The following GBE1 variants were observed in gnomAD, a reference collection of about 807,000 sequenced individuals.
GBE1 encodes 1,4-alpha-glucan-branching enzyme.
A neutral mutation model predicts 88.8 loss-of-function variants in GBE1; 70 were observed. That is an observed-to-expected ratio of 0.79 (90% CI 0.65 to 0.96). The LOEUF is 0.96. Among genes scored for constraint, GBE1 ranks in the 40% least tolerant of loss-of-function variants. The pLI is 0.00. For synonymous variants in GBE1, 284 were observed against 300.1 expected (o/e 0.95, Z 0.56); for missense variants, 872 against 871.0 (o/e 1.00, Z -0.01).
At chr3:81,735,113 T>C (rs1422466792) in intron 1 of GBE1, among the ~76,000 whole-genome samples, 2 of 152,130 alleles carry the variant, frequency 1.3e-5, no homozygotes, top group Admixed American at 6.6e-5. Flanking sequence ...AGGCATCCAC[T>C]TGGGGGCCTT....
chr3:81,628,384 G>A (rs1704449351), intron 7 of GBE1, among the ~76,000 whole-genome samples: 1 of 151,996 alleles, frequency 6.6e-6, no homozygotes, highest in African/African-American at 2.4e-5. Flanking sequence ...AGAACATGAA[G>A]AAGACCCTAG....
intron 3 of GBE1, among the ~76,000 whole-genome samples, chr3:81,655,513 ATTG>A (rs60326449): frequency 0.088 from 13,362 of 151,608 alleles, 1,146 homozygotes; most frequent in African/African-American, 0.22. Context: ...TGTTTTTGTT[ATTG>A]TTGTTGTTGT....
At chr3:81,750,553 A>ATATATATACG (rs1706486593) in intron 1 of GBE1, among the ~76,000 whole-genome samples, 6 of 74,234 alleles carry the variant, frequency 8.1e-5, no homozygotes, top group Admixed American at 2.9e-4. Context: ...ATATATATGT[A>ATATATATACG]TATATATATG....
intron 1 of GBE1, among the ~76,000 whole-genome samples, chr3:81,742,787 A>T (rs1240587513): frequency 2.0e-5 from 3 of 152,142 alleles, no homozygotes; most frequent in Non-Finnish European, 4.4e-5. Context: ...TGGGAACAGC[A>T]ACCTGATAAA....
chr3:81,500,062 A>G (rs1702568484), intron 14 of GBE1, among the ~76,000 whole-genome samples: 1 of 152,192 alleles, frequency 6.6e-6, no homozygotes, highest in African/African-American at 2.4e-5. Flanking sequence ...AAACATTATC[A>G]CATTAATAGA....
Position 81,537,019 on chromosome 3 carries a change from C to T in GBE1, c.1695G>A (p.Arg565=). 6.3e-7 allele frequency: 1 copy of T among 1,587,852 alleles called. No homozygotes were observed. Among genetic ancestry groups the T allele is most frequent in the Non-Finnish European group, 8.6e-7 (1 of 1,168,392 alleles). Residue 565 remains arginine, a synonymous_variant, in exon 13 of 16, where the codon CGG becomes CGA. Transcript: ENST00000429644. The part of the protein sequence containing the change: ...GNNESYHYAR[R]QFHLTDDDLL... ...GGTCGTCGTCAGTTAAATGAAACTG[C>T]CGCCTGGCATAATGGTAACTCTCAT...
chr3:81,571,899 AT>A (rs1482539658), intron 12 of GBE1, among the ~76,000 whole-genome samples: 2 of 152,196 alleles, frequency 1.3e-5, no homozygotes, highest in Non-Finnish European at 2.9e-5. Context: ...TCTAAAGGTT[AT>A]TTTTAAAAAA....
At chr3:81,730,304 T>C (rs1706168552) in intron 1 of GBE1, among the ~76,000 whole-genome samples, 1 of 152,158 alleles carries the variant, frequency 6.6e-6, no homozygotes, top group South Asian at 2.1e-4. Flanking sequence ...TAAGATACAG[T>C]ATATGCTTCA....
At chr3:81,566,651 A>G (rs1703498371) in intron 12 of GBE1, among the ~76,000 whole-genome samples, 1 of 152,126 alleles carries the variant, frequency 6.6e-6, no homozygotes, top group Admixed American at 6.6e-5. Context: ...TTTTTCAAAC[A>G]TCTCTTATTC....
chr3:81,550,177 G>GAC (rs1489577243), intron 12 of GBE1, among the ~76,000 whole-genome samples: 2 of 151,404 alleles, frequency 1.3e-5, no homozygotes, highest in Admixed American at 1.3e-4. Context: ...TACTCTTTTG[G>GAC]AATACATCGC....
intron 14 of GBE1, among the ~76,000 whole-genome samples, chr3:81,511,833 C>A (rs1702729207): frequency 6.7e-6 from 1 of 149,454 alleles, no homozygotes; most frequent in Non-Finnish European, 1.5e-5. Context: ...TCACTACCGG[C>A]TACATATCCA....
At chr3:81,579,989 C>A (rs1271383658) in intron 11 of GBE1, among the ~76,000 whole-genome samples, 2 of 152,064 alleles carry the variant, frequency 1.3e-5, no homozygotes, top group Admixed American at 6.6e-5. Context: ...AGGATTTGGC[C>A]CATGGGCCTT....
At chr3:81,653,186 A>G (rs1379882401) in intron 3 of GBE1, among the ~76,000 whole-genome samples, 1 of 152,130 alleles carries the variant, frequency 6.6e-6, no homozygotes, top group Non-Finnish European at 1.5e-5. Context: ...ATTCCAGGTC[A>G]GGCACAGTGG....
chr3:81,736,578 C>T (rs1706259686), intron 1 of GBE1, among the ~76,000 whole-genome samples: 1 of 152,098 alleles, frequency 6.6e-6, no homozygotes, highest in South Asian at 2.1e-4. Flanking sequence ...GTCAATTATC[C>T]CCGTGAAAGA....
intron 7 of GBE1, among the ~76,000 whole-genome samples, chr3:81,625,680 G>T (rs568918004): frequency 6.9e-4 from 105 of 152,078 alleles, no homozygotes; most frequent in Non-Finnish European, 1.2e-3. Context: ...GTGCTTAAGT[G>T]ATTCTGCCAC....
chr3:81,564,976 T>C (rs559208393), intron 12 of GBE1, among the ~76,000 whole-genome samples: 14 of 152,292 alleles, frequency 9.2e-5, no homozygotes, highest in Non-Finnish European at 1.3e-4. Context: ...TGGGCTTCAA[T>C]ATGTTAAAGC....
intron 7 of GBE1, among the ~76,000 whole-genome samples, chr3:81,605,411 G>A (rs1441412440): frequency 6.6e-6 from 1 of 152,164 alleles, no homozygotes; most frequent in African/African-American, 2.4e-5. Flanking sequence ...ATGGCCAAGT[G>A]TCACCAAAAT....
At chr3:81,711,022 T>A (rs1485400503) in intron 1 of GBE1, among the ~76,000 whole-genome samples, 1 of 152,124 alleles carries the variant, frequency 6.6e-6, no homozygotes, top group Non-Finnish European at 1.5e-5. Context: ...GCGATAGGTA[T>A]GAAAACAAAA....
chr3:81,652,717 T>C (rs570930161), intron 3 of GBE1, among the ~76,000 whole-genome samples: 1 of 152,354 alleles, frequency 6.6e-6, no homozygotes, highest in East Asian at 1.9e-4. Flanking sequence ...TGTCTCACCT[T>C]GCTTTTCACT....
Sources: gnomAD v4.1 joint callset for allele counts (sites outside exome capture counted in the v4.1 genomes callset) on GRCh38, gnomAD v4.1.1 for gene constraint, MANE v1.5 for transcripts, NCBI Gene and HGNC (gene_info 2026-07-23, HGNC 2026-07-21) for gene names.